The following FOXP2 variants were observed in gnomAD, a reference collection of about 807,000 sequenced individuals.
FOXP2 encodes forkhead box protein P2.
FOXP2 carries 12 observed loss-of-function variants against 115.8 expected under a neutral mutation model. The ratio of observed to expected loss-of-function variants is 0.10; its 90% confidence interval spans 0.07 to 0.17. FOXP2 has a LOEUF of 0.17. Ranked by LOEUF, FOXP2 falls within the 10% of genes least tolerant of loss-of-function variation. The pLI, the probability that FOXP2 is intolerant of heterozygous loss-of-function variation, is 1.00. For synonymous variants in FOXP2, 328 were observed against 297.7 expected (o/e 1.10, Z -1.05); for missense variants, 629 against 843.5 (o/e 0.75, Z 3.15).
At chr7:114,326,470 A>G (rs764624372) in intron 2 of FOXP2, among the ~76,000 whole-genome samples, 24 of 152,146 alleles carry the variant, frequency 1.6e-4, no homozygotes, top group Non-Finnish European at 8.8e-5. Flanking sequence ...TCCAAAGTAC[A>G]TGATTAGGAA....
At chr7:114,635,457 A>G (rs1805167445) in intron 6 of FOXP2, among the ~76,000 whole-genome samples, 1 of 152,162 alleles carries the variant, frequency 6.6e-6, no homozygotes, top group Non-Finnish European at 1.5e-5. Flanking sequence ...TTGGTGCTTT[A>G]TGTGCTAAAA....
At chr7:114,494,154 A>C (rs916524081) in intron 2 of FOXP2, among the ~76,000 whole-genome samples, 35 of 152,142 alleles carry the variant, frequency 2.3e-4, no homozygotes, top group African/African-American at 7.7e-4. Flanking sequence ...AACAAAGTAA[A>C]GTTTAAGACA....
intron 2 of FOXP2, among the ~76,000 whole-genome samples, chr7:114,295,834 T>A (rs1796730807): frequency 6.6e-6 from 1 of 152,204 alleles, no homozygotes; most frequent in Admixed American, 6.5e-5. Context: ...TCACTGTTGC[T>A]TTGCCTTATT....
chr7:114,235,582 C>A (rs1427770926), intron 1 of FOXP2, among the ~76,000 whole-genome samples: 4 of 152,094 alleles, frequency 2.6e-5, no homozygotes, highest in Non-Finnish European at 4.4e-5. Context: ...CACTGAATTT[C>A]TATTTTATAC....
At chr7:114,577,371 A>G (rs554464398) in intron 3 of FOXP2, among the ~76,000 whole-genome samples, 2 of 152,114 alleles carry the variant, frequency 1.3e-5, no homozygotes, top group South Asian at 4.1e-4. Context: ...GAGTTTTGTT[A>G]TGCTATAATA....
chr7:114,622,957 G>A (rs1230793391), intron 3 of FOXP2, among the ~76,000 whole-genome samples: 7 of 151,882 alleles, frequency 4.6e-5, no homozygotes. Context: ...GTTACTAAAT[G>A]TAAATAAATG....
intron 3 of FOXP2, among the ~76,000 whole-genome samples, chr7:114,560,005 G>A (rs1800685767): frequency 6.6e-6 from 1 of 151,988 alleles, no homozygotes; most frequent in Non-Finnish European, 1.5e-5. Flanking sequence ...AAATACCTAT[G>A]GTATCTGCAT....
At chr7:114,205,406 G>C (rs191679897) in intron 1 of FOXP2, among the ~76,000 whole-genome samples, 3 of 152,168 alleles carry the variant, frequency 2.0e-5, no homozygotes, top group Admixed American at 2.0e-4. Context: ...TCAGATGACC[G>C]TGTGGAGTAA....
intron 3 of FOXP2, among the ~76,000 whole-genome samples, chr7:114,598,332 T>C (rs1361741612): frequency 1.3e-5 from 2 of 152,130 alleles, no homozygotes; most frequent in Non-Finnish European, 2.9e-5. Flanking sequence ...GGTGCTTTTT[T>C]CCCTACACAA....
upstream of FOXP2, among the ~76,000 whole-genome samples, chr7:114,086,879 G>C (rs1413265716): frequency 6.6e-6 from 1 of 152,240 alleles, no homozygotes; most frequent in Non-Finnish European, 1.5e-5. Context: ...GGAAAAAGGG[G>C]TGGAGAGGGG....
chr7:114,636,320 C>T (rs1254065828), intron 6 of FOXP2, among the ~76,000 whole-genome samples: 1 of 152,026 alleles, frequency 6.6e-6, no homozygotes, highest in East Asian at 1.9e-4. Flanking sequence ...TTTTAAGTTT[C>T]ACATCTTAAA....
At chr7:114,134,798 T>C (rs1313066808) in intron 1 of FOXP2, among the ~76,000 whole-genome samples, 1 of 152,102 alleles carries the variant, frequency 6.6e-6, no homozygotes, top group Non-Finnish European at 1.5e-5. Context: ...CTTCCTACAC[T>C]ACTCTTCTGA....
At chr7:114,310,028 G>A (rs1179778390) in intron 2 of FOXP2, among the ~76,000 whole-genome samples, 1 of 152,042 alleles carries the variant, frequency 6.6e-6, no homozygotes, top group African/African-American at 2.4e-5. Context: ...CTGGGATATT[G>A]TCAACAGTCC....
intron 1 of FOXP2, among the ~76,000 whole-genome samples, chr7:114,132,898 G>A (rs1562975089): frequency 6.6e-6 from 1 of 152,068 alleles, no homozygotes; most frequent in Non-Finnish European, 1.5e-5. Context: ...GCCACTGGAG[G>A]GTTTTGAGTA....
At chr7:114,139,696 A>G (rs1486004231) in intron 1 of FOXP2, among the ~76,000 whole-genome samples, 1 of 152,176 alleles carries the variant, frequency 6.6e-6, no homozygotes, top group Non-Finnish European at 1.5e-5. Flanking sequence ...TGTAGCTTTT[A>G]AAAGTATTCC....
chr7:114,289,776 A>T (rs1796548716), intron 2 of FOXP2, among the ~76,000 whole-genome samples: 1 of 151,976 alleles, frequency 6.6e-6, no homozygotes, highest in African/African-American at 2.4e-5. Flanking sequence ...AAATATTTTT[A>T]AACAAACACT....
intron 3 of FOXP2, among the ~76,000 whole-genome samples, chr7:114,607,133 G>A (rs541814632): frequency 6.6e-6 from 1 of 152,038 alleles, no homozygotes; most frequent in Non-Finnish European, 1.5e-5. Context: ...CTTATAACTG[G>A]GCTAGTATCT....
At chr7:114,232,777 C>T (rs140377528) in intron 1 of FOXP2, among the ~76,000 whole-genome samples, 173 of 150,530 alleles carry the variant, frequency 1.1e-3, no homozygotes, top group African/African-American at 3.3e-3. Context: ...CATGCCATTG[C>T]GCTCTAGCCT....
At chr7:114,510,610 A>G (rs1798022186) in intron 2 of FOXP2, among the ~76,000 whole-genome samples, 2 of 152,336 alleles carry the variant, frequency 1.3e-5, no homozygotes, top group African/African-American at 4.8e-5. Flanking sequence ...GGATATAAAG[A>G]TAGAATAAAG....
Sources: gnomAD v4.1 joint callset for allele counts (sites outside exome capture counted in the v4.1 genomes callset) on GRCh38, gnomAD v4.1.1 for gene constraint, MANE v1.5 for transcripts, NCBI Gene and HGNC (gene_info 2026-07-23, HGNC 2026-07-21) for gene names.